The following DIS3L variants were observed in gnomAD, a reference collection of about 807,000 sequenced individuals.
The protein encoded by DIS3L is DIS3-like exonuclease 1.
Under a neutral mutation model 120.3 loss-of-function variants are expected in DIS3L, and 100 were observed. That is an observed-to-expected ratio of 0.83 (90% CI 0.71 to 0.98). DIS3L has a LOEUF of 0.98. Ranked by LOEUF, DIS3L falls within the 50% of genes least tolerant of loss-of-function variation. The pLI, the probability that DIS3L is intolerant of heterozygous loss-of-function variation, is 0.00. For synonymous variants in DIS3L, 426 were observed against 470.6 expected (o/e 0.91, Z 1.23); for missense variants, 1,196 against 1,314.2 (o/e 0.91, Z 1.39).
intron 15 of DIS3L, 22 bp downstream of exon 15, chr15:66,332,042 G>C (rs763262849): frequency 8.9e-6 from 14 of 1,581,872 alleles, no homozygotes; most frequent in Non-Finnish European, 1.0e-5. Context: ...CTAATGCAAT[G>C]GTGCATAAGA....
Position 66,320,739 on chromosome 15 carries a change from T to A in DIS3L, c.1326+7T>A. 6.2e-7 allele frequency: 1 copy of A among 1,610,740 alleles called. No homozygotes were observed. Among genetic ancestry groups the A allele is most frequent in the Non-Finnish European group, 8.5e-7 (1 of 1,178,846 alleles). ...TCCTTTCTCAGAAGCTCAGGTCAGA[T>A]TTTCCAGAAGGCTTTGATCTAGTGA... is the stretch of plus-strand genomic sequence containing the variant. On this transcript the variant is annotated splice_region_variant and intron_variant, in intron 9 of 16. Transcript: ENST00000319212.
intron 9 of DIS3L, among the ~76,000 whole-genome samples, chr15:66,321,714 C>T (rs891680903): frequency 2.7e-5 from 4 of 149,288 alleles, no homozygotes; most frequent in African/African-American, 1.0e-4. Flanking sequence ...TGCAGTGAGC[C>T]GAGATCGCAC....
chr15:66,329,198 G>T, intron 13 of DIS3L, 23 bp from the exon 14 acceptor site: 1 of 1,587,154 alleles, frequency 6.3e-7, no homozygotes, highest in Non-Finnish European at 8.6e-7. Context: ...TGTTTATTTT[G>T]ATCTTTTGCT....
At chr15:66,312,964 CT>C (rs1352723694) in intron 5 of DIS3L, among the ~76,000 whole-genome samples, 5 of 151,580 alleles carry the variant, frequency 3.3e-5, no homozygotes, top group Non-Finnish European at 5.9e-5. Flanking sequence ...CCTGGGAGGA[CT>C]TTTTTTAATT....
At chr15:66,308,568 T>A in intron 3 of DIS3L, 141 bp from the exon 4 acceptor site, 2 of 1,113,416 alleles carry the variant, frequency 1.8e-6, no homozygotes, top group Non-Finnish European at 2.4e-6. Context: ...TTCTTTATAA[T>A]GGATACTCCA....
intron 2 of DIS3L, among the ~76,000 whole-genome samples, chr15:66,298,219 A>G (rs2092610613): frequency 6.9e-6 from 1 of 145,936 alleles, no homozygotes; most frequent in Non-Finnish European, 1.5e-5. Flanking sequence ...TTGAAATTGT[A>G]GAATATTATG....
intron 2 of DIS3L, among the ~76,000 whole-genome samples, chr15:66,298,704 C>T (rs1430554860): frequency 6.6e-6 from 1 of 152,222 alleles, no homozygotes; most frequent in African/African-American, 2.4e-5. Context: ...ATCACATGTT[C>T]TGCCATCTAA....
intron 8 of DIS3L, among the ~76,000 whole-genome samples, chr15:66,320,029 C>CAGGA (rs1217385543): frequency 6.6e-6 from 1 of 150,846 alleles, no homozygotes; most frequent in African/African-American, 2.4e-5. Context: ...GAGGCTGAGG[C>CAGGA]AGGAGGATCA....
At chr15:66,304,677 G>T (rs1210989957) in intron 2 of DIS3L, among the ~76,000 whole-genome samples, 1 of 151,954 alleles carries the variant, frequency 6.6e-6, no homozygotes, top group East Asian at 2.0e-4. Flanking sequence ...GAGGCGGGTG[G>T]ATCACCTGAG....
chr15:66,310,145 A>G (rs1441650209), intron 4 of DIS3L, among the ~76,000 whole-genome samples: 2 of 152,150 alleles, frequency 1.3e-5, no homozygotes, highest in African/African-American at 4.8e-5. Context: ...TAGAAAGTCT[A>G]GTTGGGTTTT....
At chr15:66,307,146 A>T (rs1187602034) in intron 3 of DIS3L, among the ~76,000 whole-genome samples, 194 bp downstream of exon 3, 1 of 152,202 alleles carries the variant, frequency 6.6e-6, no homozygotes, top group Non-Finnish European at 1.5e-5. Flanking sequence ...TACATTTTTT[A>T]AAAATTGCAG....
At position 66,326,239 on chromosome 15, in the gene DIS3L, C is replaced by T. The variant is rs775837616; in HGVS notation, c.2076C>T (p.Val692=). The change falls in exon 12 of 17, where the codon GTC becomes GTT. Residue 692 remains valine (V), a synonymous_variant. Transcript: ENST00000319212. The part of the protein sequence containing the change: ...AECMILANHW[V]AKKIWESFPH... ...GCATGATCCTGGCCAACCACTGGGT[C>T]GCCAAAAAGATCTGGGAGAGCTTCC... is the stretch of plus-strand genomic sequence containing the variant. 15 of 1,614,174 alleles carry T rather than the reference C, an allele frequency of 9.3e-6. 1 individual carries two copies. Among genetic ancestry groups the T allele is most frequent in the South Asian group, 4.4e-5 (4 of 91,082 alleles).
At chr15:66,313,820 G>GA (rs966842012) in intron 5 of DIS3L, among the ~76,000 whole-genome samples, 12 of 147,484 alleles carry the variant, frequency 8.1e-5, no homozygotes, top group African/African-American at 3.0e-4. Flanking sequence ...TGTACATCTC[G>GA]AAAAAAAGAA....
At chr15:66,296,572 AGTGGC>A (rs1850813811) in intron 2 of DIS3L, among the ~76,000 whole-genome samples, 1 of 148,390 alleles carries the variant, frequency 6.7e-6, no homozygotes, top group Non-Finnish European at 1.5e-5. Context: ...GCTAGAGTAC[AGTGGC>A]GTGATTTCGG....
intron 14 of DIS3L, 23 bp from the exon 15 acceptor site, chr15:66,331,852 C>T: frequency 6.5e-7 from 1 of 1,542,580 alleles, no homozygotes; most frequent in Non-Finnish European, 8.7e-7. Flanking sequence ...TGTTAAAATG[C>T]TTTGGAGTTG....
Position 66,315,025 on chromosome 15 carries a change from C to G in DIS3L, c.815-11C>G, listed in dbSNP as rs773556306. 32 of 1,612,490 alleles carry G rather than the reference C, an allele frequency of 2.0e-5. No homozygotes were observed. The highest frequency in any genetic ancestry group is 4.0e-5 in the African/African-American group (3 of 74,860). On this transcript the variant is annotated splice_polypyrimidine_tract_variant and intron_variant, in intron 6 of 16. Coordinates refer to ENST00000319212, the MANE Select transcript of DIS3L (RefSeq NM_001143688.3). Reference sequence around the variant, plus strand: ...GCTTTATGGGTTTTTTCTGTGCTGCCCCAAACACAGATTTAGTCAGTGACA... The same window carrying G: ...GCTTTATGGGTTTTTTCTGTGCTGCGCCAAACACAGATTTAGTCAGTGACA...
intron 5 of DIS3L, 70 bp downstream of exon 5, chr15:66,311,970 G>T (rs2092767077): frequency 6.4e-7 from 1 of 1,562,708 alleles, no homozygotes; most frequent in Non-Finnish European, 8.7e-7. Flanking sequence ...CAGCACTTTG[G>T]CTAAGGCTGA....
chr15:66,333,592 G>A lies in DIS3L; in HGVS notation c.*280G>A, dbSNP rs920365375. 4.6e-6 allele frequency: 1 copy of A among 218,520 alleles called. No individual in the cohort carries two copies. Among genetic ancestry groups the A allele is most frequent in the Non-Finnish European group, 9.1e-6 (1 of 110,032 alleles). The allele number at this position is 218,520 out of a possible 1,614,324, so 13.5% of individuals were successfully genotyped here. ...AAAAATACAAAAATTAGCCCGGCGTGGTGGCATGCGCCTGTAGTCCCAGCT... is the reference window on the plus strand; with the variant it reads ...AAAAATACAAAAATTAGCCCGGCGTAGTGGCATGCGCCTGTAGTCCCAGCT... On this transcript the variant is annotated 3_prime_UTR_variant, in exon 17 of 17. Coordinates refer to ENST00000319212, the MANE Select transcript of DIS3L (RefSeq NM_001143688.3).
chr15:66,308,056 C>T (rs2092718708), intron 3 of DIS3L, among the ~76,000 whole-genome samples: 1 of 152,148 alleles, frequency 6.6e-6, no homozygotes, highest in Non-Finnish European at 1.5e-5. Flanking sequence ...CCTGTAGTCC[C>T]AGCTACTCAG....
Sources: allele counts gnomAD v4.1 joint callset (sites outside exome capture counted in the v4.1 genomes callset), GRCh38; gene constraint gnomAD v4.1.1; transcripts MANE v1.5; gene names NCBI Gene and HGNC (gene_info 2026-07-23, HGNC 2026-07-21).